The following SREK1 variants were observed in gnomAD, a reference collection of about 807,000 sequenced individuals.
SREK1 encodes splicing regulatory glutamic acid and lysine rich protein 1.
In SREK1, 13 loss-of-function variants were observed where a neutral mutation model predicts 66.5. The ratio of observed to expected loss-of-function variants is 0.20; its 90% CI spans 0.13 to 0.31. The LOEUF (loss-of-function observed/expected upper bound fraction) is 0.31, where lower values mean the gene tolerates loss of function less well. SREK1 is among the 10% of genes least tolerant of loss of function. The pLI, the probability that SREK1 is intolerant of heterozygous loss-of-function variation, is 1.00. For missense variants in SREK1, 607 were observed against 769.6 expected, an observed-to-expected ratio of 0.79 and a Z score of 2.50; for synonymous variants, 265 against 263.5, an observed-to-expected ratio of 1.01 and a Z score of -0.05.
intron 2 of SREK1, chr5:66,157,100 GTA>G (rs1744351582): frequency 2.1e-6 from 2 of 951,472 alleles, no homozygotes; most frequent in South Asian, 9.7e-5. Context: ...ATTAGAATAA[GTA>G]TATAGAGTAA....
At position 66,178,755 on chromosome 5, in the gene SREK1, A is replaced by G. The variant is rs1746276030; in HGVS notation, c.1762A>G (p.Ser588Gly). 6 of 1,612,446 alleles carry G rather than the reference A, an allele frequency of 3.7e-6. No homozygotes were observed. The highest frequency in any genetic ancestry group is 5.1e-6 in the Non-Finnish European group (6 of 1,178,862). The change falls in exon 12 of 12, where the codon AGC (serine) becomes GGC (glycine). Residue 588 changes from serine to glycine, a missense_variant. By Grantham distance (56) the Ser-to-Gly change is moderately conservative (BLOSUM62 0). Around this residue, in one of 5 missense-constraint regions of SREK1, gnomAD observed 318 missense variants for 310.3 expected, o/e 1.02. Coordinates refer to ENST00000334121, the MANE Select transcript of SREK1 (RefSeq NM_001077199.3). ...EHNKEPDSSV[S>G]KEVDDKDAPR... is the part of the protein sequence containing the mutation. Reference sequence around the variant, plus strand: ...CAATAAAGAACCAGATTCAAGTGTGAGCAAAGAAGTAGATGACAAGGATGC... The same window carrying G: ...CAATAAAGAACCAGATTCAAGTGTGGGCAAAGAAGTAGATGACAAGGATGC...
At chr5:66,175,081 C>A in intron 10 of SREK1, 40 bp downstream of exon 10, 3 of 1,479,792 alleles carry the variant, frequency 2.0e-6, no homozygotes, top group East Asian at 2.3e-5. Context: ...CAGGAGAAAG[C>A]AATAAATATT....
At chr5:66,144,701 C>T (rs1742999540) in intron 1 of SREK1, 164 bp downstream of exon 1, 27 of 1,331,164 alleles carry the variant, frequency 2.0e-5, no homozygotes, top group Admixed American at 3.0e-5. Flanking sequence ...TTCCGCCGTC[C>T]TGCTCTCCTT....
intron 9 of SREK1, among the ~76,000 whole-genome samples, chr5:66,174,029 A>T (rs1310174209): frequency 6.6e-6 from 1 of 152,154 alleles, no homozygotes; most frequent in Non-Finnish European, 1.5e-5. Context: ...TTATTTTATT[A>T]GTCTCTTAGA....
intron 1 of SREK1, among the ~76,000 whole-genome samples, chr5:66,148,945 T>C (rs2111928811): frequency 1.3e-5 from 2 of 152,354 alleles, no homozygotes; most frequent in Middle Eastern, 6.8e-3. Context: ...ATAATTTTAG[T>C]TTATAATGGT....
At chr5:66,175,399 A>T (rs1364471809) in intron 10 of SREK1, among the ~76,000 whole-genome samples, 1 of 152,164 alleles carries the variant, frequency 6.6e-6, no homozygotes, top group Non-Finnish European at 1.5e-5. Context: ...TTTGTCACTT[A>T]ACTTACCAGG....
intron 2 of SREK1, chr5:66,156,780 C>T (rs1744320855): frequency 2.0e-6 from 2 of 984,942 alleles, no homozygotes; most frequent in Non-Finnish European, 2.4e-6. Context: ...TTTTTGTTGC[C>T]TATGTGGGGA....
chr5:66,145,859 C>T (rs1035338389), intron 1 of SREK1, among the ~76,000 whole-genome samples: 1 of 150,542 alleles, frequency 6.6e-6, no homozygotes, highest in African/African-American at 2.5e-5. Flanking sequence ...TAATCTAGGA[C>T]AGTCCCGTCC....
chr5:66,159,858 C>T (rs550956031), intron 3 of SREK1, among the ~76,000 whole-genome samples: 2 of 152,276 alleles, frequency 1.3e-5, no homozygotes, highest in South Asian at 2.1e-4. Flanking sequence ...CGGCCAGGCG[C>T]GGTGGCTCAT....
intron 2 of SREK1, chr5:66,158,994 C>T: frequency 7.2e-7 from 1 of 1,379,638 alleles, no homozygotes; most frequent in Non-Finnish European, 9.5e-7. Flanking sequence ...AAATAATATT[C>T]CATTAATGAG....
At chr5:66,163,033 C>G (rs1012467517) in intron 5 of SREK1, 1 of 152,822 alleles carries the variant, frequency 6.5e-6, no homozygotes, top group African/African-American at 2.4e-5. Flanking sequence ...GAAATTTTGA[C>G]TTTTGAGGTT....
intron 2 of SREK1, among the ~76,000 whole-genome samples, chr5:66,154,389 C>T (rs1394693040): frequency 6.6e-6 from 1 of 152,150 alleles, no homozygotes; most frequent in Non-Finnish European, 1.5e-5. Flanking sequence ...TTATTCAGAG[C>T]ACTGACTAGC....
At chr5:66,167,595 G>A (rs975631709) in intron 7 of SREK1, 1 of 152,172 alleles carries the variant, frequency 6.6e-6, no homozygotes, top group Non-Finnish European at 1.5e-5. Flanking sequence ...AAAACTACTA[G>A]TGGGTAAGAT....
Position 66,179,659 on chromosome 5 carries a change from T to C in SREK1, c.*791T>C, listed in dbSNP as rs759665104. ...ATTTCCAAGCTTATTATGAATAATA[T>C]TGCAGTGTGTCTTGTCAGCTGTAGG... On this transcript the variant is annotated 3_prime_UTR_variant, in exon 12 of 12. Coordinates refer to ENST00000334121, the MANE Select transcript of SREK1 (RefSeq NM_001077199.3). 1 of 152,536 alleles carries C rather than the reference T, an allele frequency of 6.6e-6. No individual in the cohort carries two copies. Among genetic ancestry groups the C allele is most frequent in the Admixed American group, 6.6e-5 (1 of 15,246 alleles). 9.4% of individuals were successfully genotyped at this position (152,536 alleles called of 1,614,324 possible). A position where few individuals can be genotyped will look rare whatever the true frequency, so the allele number is the denominator to read the frequency against.
intron 1 of SREK1, chr5:66,145,166 AAAGCTTTC>A: frequency 9.1e-6 from 9 of 985,468 alleles, no homozygotes; most frequent in Non-Finnish European, 1.1e-5. Context: ...ACACTGTCCC[AAAGCTTTC>A]AGAAAAAGTG....
chr5:66,145,804 C>A (rs921286415), intron 1 of SREK1, among the ~76,000 whole-genome samples: 6 of 145,344 alleles, frequency 4.1e-5, no homozygotes, highest in Non-Finnish European at 9.0e-5. Flanking sequence ...AACACTGTCT[C>A]CCTTGAATAT....
Position 66,179,839 on chromosome 5 carries a change from T to C in SREK1, c.*971T>C, listed in dbSNP as rs1202458805. 6.6e-6 allele frequency: 1 copy of C among 152,578 alleles called. No homozygotes were observed. Among genetic ancestry groups the C allele is most frequent in the African/African-American group, 2.4e-5 (1 of 41,454 alleles). 9.5% of individuals were successfully genotyped at this position (152,578 alleles called of 1,614,324 possible). A position where few individuals can be genotyped will look rare whatever the true frequency, so the allele number is the denominator to read the frequency against. On this transcript the variant is annotated 3_prime_UTR_variant, in exon 12 of 12. Transcript: ENST00000334121. ...TCAATTCATATGGAATCTAGATGGA[T>C]ATTTCATGCATACCCATAGAGAAGT...
chr5:66,157,320 G>A (rs1011675179), intron 2 of SREK1: 2 of 983,532 alleles, frequency 2.0e-6, no homozygotes, highest in African/African-American at 3.5e-5. Context: ...CTTTTTGTTT[G>A]TATAGTCTTT....
intron 2 of SREK1, chr5:66,157,651 GCCTA>G (rs1272649741): frequency 1.0e-6 from 1 of 969,718 alleles, no homozygotes; most frequent in Non-Finnish European, 1.2e-6. Flanking sequence ...TTTCAGTAAG[GCCTA>G]CCTGCCTTTT....
Sources: gnomAD v4.1 joint callset for allele counts (sites outside exome capture counted in the v4.1 genomes callset) on GRCh38, gnomAD v4.1.1 for gene constraint, gnomAD v4.1.1 regional missense constraint, MANE v1.5 for transcripts, NCBI Gene and HGNC (gene_info 2026-07-23, HGNC 2026-07-21) for gene names.